The following RTL4 variants were observed in gnomAD, a reference collection of about 807,000 sequenced individuals.
RTL4 encodes the protein retrotransposon Gag-like protein 4.
In RTL4, 4 loss-of-function variants were observed where a neutral mutation model predicts 5.3. That is an observed-to-expected ratio of 0.75 (90% CI 0.37 to 1.72). The LOEUF (loss-of-function observed/expected upper bound fraction) is 1.72, where lower values mean the gene tolerates loss of function less well. Ranked by LOEUF, RTL4 falls within the 40% of genes most tolerant of loss-of-function variation. The pLI, the probability that RTL4 is intolerant of heterozygous loss-of-function variation, is 0.04. For missense variants in RTL4, 260 were observed against 227.1 expected, an observed-to-expected ratio of 1.14 and a Z score of -0.93; for synonymous variants, 98 against 87.3, an observed-to-expected ratio of 1.12 and a Z score of -0.68.
At chrX:112,162,190 A>C in the RTL4 span, among the ~76,000 whole-genome samples, 1 of 111,005 alleles carries the variant, frequency 9.0e-6, no homozygotes, top group Non-Finnish European at 1.9e-5. Flanking sequence ...CAATAACAAC[A>C]ACAATAACAA....
At chrX:112,193,439 A>G in the RTL4 span, among the ~76,000 whole-genome samples, 1 of 111,096 alleles carries the variant, frequency 9.0e-6, no homozygotes, top group Non-Finnish European at 1.9e-5. Flanking sequence ...CCTCCCCCTG[A>G]CTACCTTTCT....
At chrX:112,442,141 T>C in the RTL4 span, among the ~76,000 whole-genome samples, 2 of 111,682 alleles carry the variant, frequency 1.8e-5, no homozygotes, top group East Asian at 5.6e-4. Context: ...CAAAGGAACA[T>C]GATAAAATTT....
chrX:112,293,624 TAA>T, the RTL4 span, among the ~76,000 whole-genome samples: 1 of 112,021 alleles, frequency 8.9e-6, no homozygotes, highest in Non-Finnish European at 1.9e-5. Context: ...GGTTCTTAGT[TAA>T]AAGTAATTTC....
At chrX:112,265,676 C>A in the RTL4 span, among the ~76,000 whole-genome samples, 13 of 111,514 alleles carry the variant, frequency 1.2e-4, no homozygotes, top group African/African-American at 4.2e-4. Context: ...CCTAATAAAT[C>A]TTTCCCTTCT....
the RTL4 span, among the ~76,000 whole-genome samples, chrX:112,409,841 A>AAAT: frequency 9.0e-6 from 1 of 111,597 alleles, no homozygotes; most frequent in Non-Finnish European, 1.9e-5. Context: ...ACAGGAAAAT[A>AAAT]AATAACAAAA....
At chrX:112,154,966 G>A in the RTL4 span, among the ~76,000 whole-genome samples, 1 of 110,941 alleles carries the variant, frequency 9.0e-6, no homozygotes, top group African/African-American at 3.3e-5. Context: ...GCTTCACACA[G>A]CATTCAGCCC....
the RTL4 span, among the ~76,000 whole-genome samples, chrX:112,226,944 AT>A: frequency 1.1e-5 from 1 of 89,828 alleles, no homozygotes; most frequent in African/African-American, 4.5e-5. Context: ...ATAAAATAAA[AT>A]AAAAATAAAA....
the RTL4 span, among the ~76,000 whole-genome samples, chrX:112,158,240 C>T: frequency 8.9e-6 from 1 of 111,754 alleles, no homozygotes; most frequent in Admixed American, 9.5e-5. Flanking sequence ...TTCCAAACAA[C>T]AGCCACTTTA....
the RTL4 span, among the ~76,000 whole-genome samples, chrX:112,127,375 A>G: frequency 3.6e-5 from 4 of 111,004 alleles, no homozygotes; most frequent in Non-Finnish European, 5.7e-5. Flanking sequence ...TTCAACAACC[A>G]TTCATGATTC....
chrX:112,279,889 A>G, the RTL4 span, among the ~76,000 whole-genome samples: 2 of 111,924 alleles, frequency 1.8e-5, no homozygotes, highest in Non-Finnish European at 3.8e-5. Context: ...GCAAACAAAA[A>G]AACTCCAGTA....
chrX:112,304,310 G>A, the RTL4 span, among the ~76,000 whole-genome samples: 1 of 111,277 alleles, frequency 9.0e-6, no homozygotes, highest in Non-Finnish European at 1.9e-5. Context: ...GTGTGTGCGT[G>A]TGTGTTTGTG....
the RTL4 span, among the ~76,000 whole-genome samples, chrX:112,275,814 G>A: frequency 9.0e-6 from 1 of 111,038 alleles, no homozygotes; most frequent in Non-Finnish European, 1.9e-5. Flanking sequence ...ATGAACTTGT[G>A]GTCCTAGCTA....
chrX:112,229,908 ACC>A, the RTL4 span, among the ~76,000 whole-genome samples: 3 of 111,732 alleles, frequency 2.7e-5, no homozygotes, highest in Admixed American at 1.9e-4. Flanking sequence ...TCAGAGGAGT[ACC>A]CGGCCGTGTG....
chrX:112,125,746 C>T, the RTL4 span, among the ~76,000 whole-genome samples: 5 of 111,546 alleles, frequency 4.5e-5, no homozygotes, highest in Admixed American at 1.9e-4. Context: ...TTTATTTAAA[C>T]CAACCCCCCA....
chrX:112,456,689 T>C, exon 1 of RTL4: 1 of 206,109 alleles, frequency 4.9e-6, no homozygotes, highest in Middle Eastern at 1.6e-3. Flanking sequence ...GTAGTCACCA[T>C]CTAGGATTAC....
chrX:112,104,721 C>A, the RTL4 span, among the ~76,000 whole-genome samples: 1 of 111,698 alleles, frequency 9.0e-6, no homozygotes, highest in African/African-American at 3.2e-5. Flanking sequence ...TATTTTCATT[C>A]TTTTCCCATT....
chrX:112,323,903 A>G, the RTL4 span, among the ~76,000 whole-genome samples: 1 of 112,149 alleles, frequency 8.9e-6, no homozygotes, highest in African/African-American at 3.2e-5. Context: ...TTTTCCAATG[A>G]TATGATTGTA....
chrX:112,232,279 G>A, the RTL4 span, among the ~76,000 whole-genome samples: 1 of 112,003 alleles, frequency 8.9e-6, no homozygotes, highest in Middle Eastern at 4.6e-3. Flanking sequence ...TACGGGGCAA[G>A]TTAGGTCTCC....
the RTL4 span, among the ~76,000 whole-genome samples, chrX:112,149,669 C>G: frequency 8.9e-6 from 1 of 112,295 alleles, no homozygotes; most frequent in Non-Finnish European, 1.9e-5. Context: ...CTTGTTCATT[C>G]AGCAACTATT....
Sources: gnomAD v4.1 joint callset for allele counts (sites outside exome capture counted in the v4.1 genomes callset) on GRCh38, gnomAD v4.1.1 for gene constraint, MANE v1.5 for transcripts, NCBI Gene and HGNC (gene_info 2026-07-23, HGNC 2026-07-21) for gene names.